Variants in NAV1 observed in about 807,000 individuals in gnomAD.
NAV1 encodes the protein neuron navigator 1.
A neutral mutation model predicts 175.2 loss-of-function variants in NAV1; 18 were observed. The ratio of observed to expected loss-of-function variants is 0.10; its 90% CI spans 0.07 to 0.15. The LOEUF (loss-of-function observed/expected upper bound fraction) is 0.15, where lower values mean the gene tolerates loss of function less well. Among genes scored for constraint, NAV1 ranks in the 10% least tolerant of loss-of-function variants. The pLI, the probability that NAV1 is intolerant of heterozygous loss-of-function variation, is 1.00. For missense variants in NAV1, 1,731 were observed against 2,436.6 expected (o/e 0.71, Z 6.10); for synonymous variants, 897 against 978.7 (o/e 0.92, Z 1.56).
chr1:201,775,758 A>G (rs1289697376), intron 3 of NAV1, among the ~76,000 whole-genome samples: 1 of 152,208 alleles, frequency 6.6e-6, no homozygotes, highest in African/African-American at 2.4e-5. Context: ...AGCCTTGGAA[A>G]TTTAAAATAT....
At chr1:201,823,647 T>C (rs1679515401) in exon 30 of NAV1, 1 of 152,222 alleles carries the variant, frequency 6.6e-6, no homozygotes, top group South Asian at 2.1e-4. Flanking sequence ...TATACTGTTT[T>C]AGTCTTGAAT....
chr1:201,772,976 T>TGAGCCAA (rs1162069234), intron 3 of NAV1, among the ~76,000 whole-genome samples: 1 of 147,054 alleles, frequency 6.8e-6, no homozygotes, highest in Non-Finnish European at 1.5e-5. Context: ...GAGCTTGCAG[T>TGAGCCAA]GAGCCGAGAT....
At chr1:201,643,910 G>T (rs1468830563), upstream of NAV1, among the ~76,000 whole-genome samples, 3 of 152,208 alleles carry the variant, frequency 2.0e-5, no homozygotes, top group East Asian at 3.9e-4. Flanking sequence ...CGTCTCCTTG[G>T]CTGTATGCCT....
At position 201,809,160 on chromosome 1, in the gene NAV1, A is replaced by T. The variant is rs778645969; in HGVS notation, c.4208-4A>T. The T allele has an allele frequency of 1.1e-5, 17 of 1,613,738 alleles. No individual in the cohort carries two copies. The Admixed American group carries it at 2.8e-4, about 27-fold the overall frequency. ...AACCAGTTGGTTCTTTTCAATCCCC[A>T]CAGACCTGTCACCCATGGATGGCAT... On this transcript the variant is annotated splice_polypyrimidine_tract_variant and splice_region_variant and intron_variant, in intron 20 of 29. Transcript: ENST00000367296.
intron 1 of NAV1, among the ~76,000 whole-genome samples, chr1:201,695,977 TAAG>T (rs1305156316): frequency 2.6e-5 from 4 of 152,212 alleles, no homozygotes; most frequent in Non-Finnish European, 5.9e-5. Flanking sequence ...ATTCCTTCTC[TAAG>T]AAGGAGAAAC....
chr1:201,652,366 A>G (rs1380842400), intron 1 of NAV1, among the ~76,000 whole-genome samples: 1 of 152,174 alleles, frequency 6.6e-6, no homozygotes, highest in East Asian at 1.9e-4. Context: ...CAGATGGTCT[A>G]GGCAGGCTCC....
chr1:201,777,597 A>AT lies in NAV1; in HGVS notation c.1227-2815dup, dbSNP rs201612005. ...CTTGCTCTGTCACTCTTTAACTTTTATTTTTTTTTCAAGCCATTCAAATGT... is the reference window on the plus strand; with the variant it reads ...CTTGCTCTGTCACTCTTTAACTTTTATTTTTTTTTTCAAGCCATTCAAATGT... On this transcript the variant is annotated intron_variant, in intron 3 of 29. Coordinates refer to ENST00000367296, the Ensembl canonical transcript of NAV1. Among the ~76,000 whole-genome samples the AT allele has an allele frequency of 2.1e-3, 260 of 125,266 alleles. 1 individual carries two copies. Among genetic ancestry groups the AT allele is most frequent in the South Asian group, 0.019 (74 of 3,908 alleles). The allele number at this position is 125,266 out of a possible 152,430, so 82.2% of individuals were successfully genotyped here.
chr1:201,783,688 C>G, exon 7 of NAV1: 1 of 1,614,240 alleles, frequency 6.2e-7, no homozygotes, highest in Non-Finnish European at 8.5e-7. Context: ...AACTCTCAGG[C>G]CTGCACAGGA....
intron 1 of NAV1, among the ~76,000 whole-genome samples, chr1:201,707,453 G>A (rs969832543): frequency 1.3e-5 from 2 of 152,202 alleles, no homozygotes; most frequent in African/African-American, 4.8e-5. Context: ...ATTTCCCAGA[G>A]CGGGAAACTG....
At chr1:201,675,287 A>T (rs1670203027) in intron 1 of NAV1, among the ~76,000 whole-genome samples, 1 of 152,144 alleles carries the variant, frequency 6.6e-6, no homozygotes, top group Non-Finnish European at 1.5e-5. Context: ...CTCCTTGACA[A>T]AACCATAAAA....
intron 3 of NAV1, among the ~76,000 whole-genome samples, chr1:201,747,694 CTT>C (rs1673858064): frequency 6.6e-6 from 1 of 152,222 alleles, no homozygotes; most frequent in African/African-American, 2.4e-5. Context: ...AATGAAATCT[CTT>C]GTTTACATTA....
At chr1:201,821,282 A>G (rs1395711840) in exon 30 of NAV1, 1 of 152,582 alleles carries the variant, frequency 6.6e-6, no homozygotes, top group Non-Finnish European at 1.5e-5. Context: ...TTTTTCACAA[A>G]TGAGTATTCA....
intron 3 of NAV1, among the ~76,000 whole-genome samples, chr1:201,730,566 C>A (rs1179684053): frequency 6.6e-6 from 1 of 152,220 alleles, no homozygotes; most frequent in East Asian, 1.9e-4. Context: ...TCTGTTTCCC[C>A]TCGACACCTA....
At chr1:201,577,918 C>T (rs1277676218) in intron 1 of NAV1, among the ~76,000 whole-genome samples, 4 of 152,168 alleles carry the variant, frequency 2.6e-5, no homozygotes, top group African/African-American at 9.7e-5. Flanking sequence ...TCTCTTCCTG[C>T]TTTCAAGATT....
exon 30 of NAV1, chr1:201,825,543 A>C (rs1486472695): frequency 6.6e-6 from 1 of 152,274 alleles, no homozygotes; most frequent in Non-Finnish European, 1.5e-5. Flanking sequence ...TGCATAATGA[A>C]GACACAGACC....
intron 1 of NAV1, among the ~76,000 whole-genome samples, chr1:201,569,002 A>G (rs537008155): frequency 2.0e-5 from 3 of 152,196 alleles, no homozygotes; most frequent in East Asian, 1.9e-4. Flanking sequence ...GGGCCTTCTC[A>G]GCTCCCCACT....
At chr1:201,773,579 A>G (rs903910398) in intron 3 of NAV1, among the ~76,000 whole-genome samples, 24 of 152,334 alleles carry the variant, frequency 1.6e-4, no homozygotes, top group African/African-American at 5.5e-4. Flanking sequence ...TTTGAAAGGA[A>G]AGTGGTAATA....
chr1:201,542,806 A>G (rs1172341643), intron 1 of NAV1, among the ~76,000 whole-genome samples: 2 of 152,264 alleles, frequency 1.3e-5, no homozygotes, highest in East Asian at 3.8e-4. Context: ...GCCTCTGCCA[A>G]GGACCGTTAC....
intron 1 of NAV1, among the ~76,000 whole-genome samples, chr1:201,670,237 G>T (rs187402242): frequency 6.6e-6 from 1 of 151,378 alleles, no homozygotes; most frequent in Admixed American, 6.6e-5. Context: ...AAAATTAGCC[G>T]GGCGTGGTGG....
Sources: gnomAD v4.1 joint callset for allele counts (sites outside exome capture counted in the v4.1 genomes callset) on GRCh38, gnomAD v4.1.1 for gene constraint, MANE v1.5 for transcripts, NCBI Gene and HGNC (gene_info 2026-07-23, HGNC 2026-07-21) for gene names.